FSTL5: variants seen among roughly 807,000 people sequenced by gnomAD.
The protein encoded by FSTL5 is follistatin-related protein 5.
FSTL5 carries 62 observed loss-of-function variants against 89.1 expected under a neutral mutation model. The ratio of observed to expected loss-of-function variants is 0.70; its 90% CI spans 0.57 to 0.86. FSTL5 has a LOEUF of 0.86. FSTL5 is among the 40% of genes least tolerant of loss of function. The pLI is 0.00. For missense variants in FSTL5, 1,057 were observed against 1,001.6 expected, an observed-to-expected ratio of 1.06 and a Z score of -0.75; for synonymous variants, 383 against 346.2, an observed-to-expected ratio of 1.11 and a Z score of -1.18.
intron 4 of FSTL5, among the ~76,000 whole-genome samples, chr4:161,818,175 C>T (rs1454931529): frequency 6.6e-6 from 1 of 152,114 alleles, no homozygotes; most frequent in Non-Finnish European, 1.5e-5. Flanking sequence ...CCAGCACACC[C>T]GCAGGCCACC....
chr4:161,787,958 A>G (rs908754429), intron 4 of FSTL5, among the ~76,000 whole-genome samples: 1 of 152,164 alleles, frequency 6.6e-6, no homozygotes, highest in South Asian at 2.1e-4. Context: ...TATATTTAAG[A>G]AAAAAATTCA....
At chr4:161,835,137 G>A (rs867397752) in intron 4 of FSTL5, among the ~76,000 whole-genome samples, 7,427 of 141,154 alleles carry the variant, frequency 0.053, 212 homozygotes, top group African/African-American at 0.095. Flanking sequence ...AGAGCCCTCA[G>A]AAATAACGCT....
intron 7 of FSTL5, among the ~76,000 whole-genome samples, chr4:161,639,007 T>C: frequency 6.6e-6 from 1 of 150,500 alleles, no homozygotes; most frequent in East Asian, 2.0e-4. Context: ...TTCAAAATAA[T>C]AAGAGCTATC....
intron 7 of FSTL5, among the ~76,000 whole-genome samples, chr4:161,648,431 G>T (rs1736225937): frequency 6.6e-6 from 1 of 152,116 alleles, no homozygotes; most frequent in Admixed American, 6.6e-5. Flanking sequence ...CTGTTAAGTG[G>T]ACAAGGGAAC....
At chr4:161,475,452 C>A in intron 13 of FSTL5, among the ~76,000 whole-genome samples, 1 of 152,066 alleles carries the variant, frequency 6.6e-6, no homozygotes, top group East Asian at 1.9e-4. Flanking sequence ...AGTTGTTTTT[C>A]TTTCCAGTCC....
At chr4:161,592,958 A>G (rs924449274) in intron 7 of FSTL5, among the ~76,000 whole-genome samples, 2 of 152,146 alleles carry the variant, frequency 1.3e-5, no homozygotes, top group Admixed American at 1.3e-4. Context: ...CAAATTTTAA[A>G]TATACTTTAC....
intron 8 of FSTL5, among the ~76,000 whole-genome samples, chr4:161,549,467 A>T (rs1411843015): frequency 6.6e-6 from 1 of 151,832 alleles, no homozygotes; most frequent in African/African-American, 2.4e-5. Context: ...TAGCCGGGTG[A>T]CTTGTGTAAT....
At chr4:161,927,643 C>T (rs934347446) in intron 3 of FSTL5, among the ~76,000 whole-genome samples, 3 of 151,100 alleles carry the variant, frequency 2.0e-5, no homozygotes, top group Non-Finnish European at 4.4e-5. Context: ...TACTTTTTTC[C>T]TTTATTAGAG....
chr4:162,090,463 T>G (rs1730500942), intron 2 of FSTL5, among the ~76,000 whole-genome samples: 1 of 152,092 alleles, frequency 6.6e-6, no homozygotes, highest in South Asian at 2.1e-4. Flanking sequence ...AAGACGTGGA[T>G]GCACCCAACA....
At chr4:162,054,067 T>G (rs894973726) in intron 2 of FSTL5, among the ~76,000 whole-genome samples, 7 of 151,826 alleles carry the variant, frequency 4.6e-5, no homozygotes, top group Non-Finnish European at 7.4e-5. Flanking sequence ...GCAAAATGAA[T>G]GCACTGATAC....
At chr4:161,723,414 T>G (rs1579048588) in intron 6 of FSTL5, among the ~76,000 whole-genome samples, 1 of 152,188 alleles carries the variant, frequency 6.6e-6, no homozygotes, top group Non-Finnish European at 1.5e-5. Flanking sequence ...TCTCCGAATT[T>G]CTGTTCTCAA....
At chr4:161,664,067 G>A (rs1037174384) in intron 6 of FSTL5, among the ~76,000 whole-genome samples, 1 of 152,192 alleles carries the variant, frequency 6.6e-6, no homozygotes, top group Admixed American at 6.5e-5. Context: ...CAGAGTCCCA[G>A]GGCCTGGCAC....
chr4:161,562,012 G>C (rs544960724), intron 8 of FSTL5, among the ~76,000 whole-genome samples: 1 of 152,090 alleles, frequency 6.6e-6, no homozygotes, highest in South Asian at 2.1e-4. Flanking sequence ...TGTCCAATGA[G>C]AGCCAGAATC....
At chr4:161,470,168 T>A (rs147444722) in intron 13 of FSTL5, among the ~76,000 whole-genome samples, 1 of 152,212 alleles carries the variant, frequency 6.6e-6, no homozygotes, top group Non-Finnish European at 1.5e-5. Flanking sequence ...ATCTTAGATA[T>A]CCTTGCCAAA....
intron 15 of FSTL5, among the ~76,000 whole-genome samples, chr4:161,412,502 G>A (rs1303415765): frequency 6.6e-6 from 1 of 152,032 alleles, no homozygotes; most frequent in Non-Finnish European, 1.5e-5. Context: ...GCCTGTCGTG[G>A]GGTAGGGGGA....
At chr4:161,585,651 T>C (rs926037549) in intron 8 of FSTL5, among the ~76,000 whole-genome samples, 1 of 149,392 alleles carries the variant, frequency 6.7e-6, no homozygotes, top group Non-Finnish European at 1.5e-5. Context: ...TCAGTAAGCA[T>C]TTACCACAAA....
chr4:161,539,585 T>C (rs1311328331), intron 9 of FSTL5, among the ~76,000 whole-genome samples: 2 of 152,176 alleles, frequency 1.3e-5, no homozygotes, highest in Non-Finnish European at 2.9e-5. Context: ...GTAAATAATT[T>C]AGGTTTTGTG....
chr4:161,479,858 T>A (rs1397121448), intron 13 of FSTL5, among the ~76,000 whole-genome samples: 1 of 152,200 alleles, frequency 6.6e-6, no homozygotes, highest in Non-Finnish European at 1.5e-5. Flanking sequence ...GTTTTTCATG[T>A]TTGTATTTGT....
rs114689008 is a variant in FSTL5 at position 161,826,625 on chromosome 4, C to T, written c.410-50551G>A. ...ATTTTGTTGTTGTTGTTGGACAAGTCCTTTTATCATTATGTAATGCCTTTC... is the reference window on the plus strand; with the variant it reads ...ATTTTGTTGTTGTTGTTGGACAAGTTCTTTTATCATTATGTAATGCCTTTC... On this transcript the variant is annotated intron_variant, in intron 4 of 15. Coordinates refer to ENST00000306100, the MANE Select transcript of FSTL5 (RefSeq NM_020116.5). Among the ~76,000 whole-genome samples, 842 of 152,186 alleles carry T rather than the reference C, an allele frequency of 5.5e-3. 9 individuals are homozygous for T. The highest frequency in any genetic ancestry group is 0.019 in the African/African-American group (773 of 41,526).
Sources: gnomAD v4.1 joint callset for allele counts (sites outside exome capture counted in the v4.1 genomes callset) on GRCh38, gnomAD v4.1.1 for gene constraint, MANE v1.5 for transcripts, NCBI Gene and HGNC (gene_info 2026-07-23, HGNC 2026-07-21) for gene names.